Variants in HEY1 observed in about 807,000 individuals in gnomAD.
HEY1 encodes hes related family bHLH transcription factor with YRPW motif 1, also known as hairy/enhancer-of-split related with YRPW motif protein 1.
HEY1 carries 9 observed loss-of-function variants against 28.7 expected under a neutral mutation model. The observed-to-expected ratio is 0.31, with a 90% CI of 0.19 to 0.55. The LOEUF (loss-of-function observed/expected upper bound fraction) is 0.55. Among genes scored for constraint, HEY1 ranks in the 20% least tolerant of loss-of-function variants. HEY1 has a pLI of 0.93. For missense variants in HEY1, 385 were observed against 399.4 expected (o/e 0.96, Z 0.31); for synonymous variants, 213 against 175.6 (o/e 1.21, Z -1.68).
Position 79,765,782 on chromosome 8 carries a change from G to T in HEY1, c.332-11C>A, listed in dbSNP as rs1275754418. 3 of 1,587,952 alleles carry T rather than the reference G, an allele frequency of 1.9e-6. No individual in the cohort carries two copies. The highest frequency in any genetic ancestry group is 2.6e-6 in the Non-Finnish European group (3 of 1,164,850). The stretch of plus-strand genomic sequence containing the variant: ...GCGCGTCAAAGTAACCTAAGCAAAA[G>T]AACAAAAGAAAAATCTCAGGGCTTT... On this transcript the variant is annotated splice_polypyrimidine_tract_variant and intron_variant, in intron 4 of 4. Coordinates refer to ENST00000354724, the MANE Select transcript of HEY1 (RefSeq NM_012258.4).
In HEY1 at chr8:79,766,647, G is replaced by C; in HGVS notation, c.331+4C>G. 1 of 1,614,118 alleles carries C rather than the reference G, an allele frequency of 6.2e-7. No individual in the cohort carries two copies. The highest frequency in any genetic ancestry group is 8.5e-7 in the Non-Finnish European group (1 of 1,180,032). On this transcript the variant is annotated splice_donor_region_variant and intron_variant, in intron 4 of 4. Coordinates refer to ENST00000354724, the MANE Select transcript of HEY1 (RefSeq NM_012258.4). ...AGAGCCCCCACTAGGTCTAGGAGATGTACCTTTCCCTCCTGCCGTATGCAG... is the reference window on the plus strand; with the variant it reads ...AGAGCCCCCACTAGGTCTAGGAGATCTACCTTTCCCTCCTGCCGTATGCAG...
rs1476560733 is a variant in HEY1, at chr8:79,767,424, G to T, written c.90-130C>A. The T allele has an allele frequency of 1.8e-5, 20 of 1,126,916 alleles. No individual in the cohort carries two copies. In the East Asian group the frequency reaches 4.7e-4, roughly 27 times the overall value. The allele number at this position is 1,126,916 out of a possible 1,614,324, so 69.8% of individuals were successfully genotyped here. ...CCACTTGGGCTGGAAGGCACCTAGG[G>T]GTTCCCTGGCCGCAGGCTGCCGCCA... On this transcript the variant is annotated intron_variant, in intron 1 of 4. Transcript: ENST00000354724.
Position 79,767,702 on chromosome 8 carries a change from C to A in HEY1, c.-39G>T. On this transcript the variant is annotated 5_prime_UTR_variant, in exon 1 of 5. Coordinates refer to ENST00000354724, the MANE Select transcript of HEY1 (RefSeq NM_012258.4). ...GGGTTCCTGGGGAGGGTCGGCGCGGCGGGCAGGGAGGAGTTAACTACAGCG... is the reference window on the plus strand; with the variant it reads ...GGGTTCCTGGGGAGGGTCGGCGCGGAGGGCAGGGAGGAGTTAACTACAGCG... 2 of 1,504,758 alleles carry A rather than the reference C, an allele frequency of 1.3e-6. No individual in the cohort carries two copies. Among genetic ancestry groups the A allele is most frequent in the Non-Finnish European group, 1.8e-6 (2 of 1,108,072 alleles). 93.2% of individuals were successfully genotyped at this position (1,504,758 alleles called of 1,614,324 possible). A position where few individuals can be genotyped will look rare whatever the true frequency, so the allele number is the denominator to read the frequency against.
intron 3 of HEY1, 134 bp downstream of exon 3, chr8:79,766,875 A>C: frequency 8.4e-7 from 1 of 1,191,608 alleles, no homozygotes; most frequent in Non-Finnish European, 1.2e-6. Flanking sequence ...TTCACAAAAT[A>C]CGCTGGTATC....
Position 79,765,586 on chromosome 8 carries a change from C to G in HEY1, c.517G>C (p.Ala173Pro), listed in dbSNP as rs1419357189. Reference sequence around the variant, plus strand: ...CCCCAGGGAATGTGTCCGAGGCCCGCGTGGGCGCCGCTCGCGGCTTCCCGC... The same window carrying G: ...CCCCAGGGAATGTGTCCGAGGCCCGGGTGGGCGCCGCTCGCGGCTTCCCGC... Reference protein sequence around the residue: ...SQREAASGAHAGLGHIPWGTV... With the variant: ...SQREAASGAHPGLGHIPWGTV... The change falls in exon 5 of 5, where the codon GCG becomes CCG. Residue 173 changes from alanine to proline, a missense_variant. By Grantham distance (27) the Ala-to-Pro change is conservative. Around this residue, in one of 3 missense-constraint regions of HEY1, gnomAD observed 223 missense variants for 215.9 expected, o/e 1.03. Coordinates refer to ENST00000354724, the MANE Select transcript of HEY1 (RefSeq NM_012258.4). 6.2e-7 allele frequency: 1 copy of G among 1,614,132 alleles called. No homozygotes were observed. The highest frequency in any genetic ancestry group is 1.7e-5 in the Admixed American group (1 of 60,024).
In HEY1 at chr8:79,765,084, C is replaced by T. The variant is rs1362075395; in HGVS notation, c.*104G>A. ...AAAAAAAAAATTATCTGAAAGTGTA[C>T]CTTTTTCCTTTTTACTTTTACTGAC... On this transcript the variant is annotated 3_prime_UTR_variant, in exon 5 of 5. Coordinates refer to ENST00000354724, the MANE Select transcript of HEY1 (RefSeq NM_012258.4). 19 of 698,460 alleles carry T rather than the reference C, an allele frequency of 2.7e-5. No individual in the cohort carries two copies. The highest frequency in any genetic ancestry group is 3.6e-5 in the Admixed American group (1 of 27,978). 43.3% of individuals were successfully genotyped at this position (698,460 alleles called of 1,614,324 possible).
In HEY1 at chr8:79,767,292, T is replaced by C. The variant is rs931065582; in HGVS notation, c.92A>G (p.Asn31Ser). The C allele has an allele frequency of 5.0e-6, 8 of 1,610,340 alleles. No homozygotes were observed. The highest frequency in any genetic ancestry group is 3.3e-4 in the Middle Eastern group (2 of 6,068). Residue 31 changes from asparagine (N) to serine (S), a missense_variant and splice_region_variant, in exon 2 of 5, where the codon AAC becomes AGC. Physicochemically the swap from Asn to Ser is conservative, Grantham distance 46 (BLOSUM62 1). Transcript: ENST00000354724. ...VEKESADENG[N>S]LSSALGSMSP... is the part of the protein sequence containing the mutation. ...CATGGAACCTAGAGCCGAACTCAAG[T>C]TTCTGAAAAGAGAAAAAGAACAAAC...
chr8:79,764,773 G>A lies in HEY1; in HGVS notation c.*415C>T, dbSNP rs1165349717. The A allele has an allele frequency of 4.5e-6, 1 of 223,546 alleles. No homozygotes were observed. Among genetic ancestry groups the A allele is most frequent in the Non-Finnish European group, 8.9e-6 (1 of 112,388 alleles). 13.8% of individuals were successfully genotyped at this position (223,546 alleles called of 1,614,324 possible). ...ATGTTAACATTAAGCATAGTGGTTT[G>A]GAAAATTAATTCTAAAAACAGACCA... On this transcript the variant is annotated 3_prime_UTR_variant, in exon 5 of 5. Coordinates refer to ENST00000354724, the MANE Select transcript of HEY1 (RefSeq NM_012258.4).
Position 79,765,017 on chromosome 8 carries a change from CATT to C in HEY1, c.*168_*170del, listed in dbSNP as rs1355826960. 2.6e-5 allele frequency: 14 copies of C among 529,998 alleles called. No individual in the cohort carries two copies. Among genetic ancestry groups the C allele is most frequent in the Non-Finnish European group, 4.3e-5 (13 of 302,310 alleles). The allele number at this position is 529,998 out of a possible 1,614,324, so 32.8% of individuals were successfully genotyped here. A position where few individuals can be genotyped will look rare whatever the true frequency, so the allele number is the denominator to read the frequency against. ...CTAATACATGACATGATGAAAAAAACATTAAAAAAGATAAAAGTAAACCAACAA... is the reference window on the plus strand; with the variant it reads ...CTAATACATGACATGATGAAAAAAACAAAAAAGATAAAAGTAAACCAACAA... On this transcript the variant is annotated 3_prime_UTR_variant, in exon 5 of 5. Transcript: ENST00000354724.
intron 4 of HEY1, chr8:79,766,294 T>C (rs942237306): frequency 6.6e-7 from 1 of 1,517,424 alleles, no homozygotes; most frequent in Non-Finnish European, 8.8e-7. Flanking sequence ...AAATCCCGTA[T>C]ACCAAAAATA....
intron 4 of HEY1, 159 bp downstream of exon 4, chr8:79,766,492 G>A: frequency 6.6e-7 from 1 of 1,507,658 alleles, no homozygotes; most frequent in Non-Finnish European, 8.8e-7. Context: ...GATTCTATGT[G>A]CATTCGAAAA....
rs757852759 is a variant in HEY1, at chr8:79,765,478, A to C, written c.625T>G (p.Ser209Ala). The C allele has an allele frequency of 3.7e-6, 6 of 1,613,308 alleles. No homozygotes were observed. In the African/African-American group the frequency reaches 8.0e-5, roughly 22 times the overall value. The change falls in exon 5 of 5, where the codon TCA (serine) becomes GCA (alanine). Residue 209 changes from serine to alanine, a missense_variant. Ser to Ala is a moderately conservative substitution (Grantham distance 99, BLOSUM62 1). Around this residue, in one of 3 missense-constraint regions of HEY1, gnomAD observed 223 missense variants for 215.9 expected, o/e 1.03. Coordinates refer to ENST00000354724, the MANE Select transcript of HEY1 (RefSeq NM_012258.4). The part of the protein sequence containing the change: ...NGHGNAGTTA[S>A]PTEPHHQGRL... ...CCCTGGTGGTGCGGTTCCGTGGGTG[A>C]GGCCGTGGTGCCCGCGTTCCCGTGG... is the stretch of plus-strand genomic sequence containing the variant.
rs1246021151 is a variant in HEY1, at chr8:79,767,079, C to T, written c.179G>A (p.Arg60His). 6.2e-7 allele frequency: 1 copy of T among 1,613,894 alleles called. No individual in the cohort carries two copies. The highest frequency in any genetic ancestry group is 1.1e-5 in the South Asian group (1 of 91,076). Residue 60 changes from arginine to histidine, a missense_variant, in exon 3 of 5, where the codon CGC (arginine) becomes CAC (histidine). Coordinates refer to ENST00000354724, the MANE Select transcript of HEY1 (RefSeq NM_012258.4). ...RKRRRGIIEK[R>H]RRDRINNSLS... The stretch of plus-strand genomic sequence containing the variant: ...ACTGTTATTGATCCGGTCTCGTCGG[C>T]GCTTCTCAATTATCTGCAGAAGGCA...
chr8:79,765,346 G>C lies in HEY1; in HGVS notation c.757C>G (p.Pro253Ala). 6.3e-7 allele frequency: 1 copy of C among 1,577,078 alleles called. No homozygotes were observed. Among genetic ancestry groups the C allele is most frequent in the Non-Finnish European group, 8.6e-7 (1 of 1,160,996 alleles). ...AGGGAGGCCACTGAGGAGAGCAGAG[G>C]CGGCGACAGTTTGGAGGCGGAGGTG... The part of the protein sequence containing the change: ...VVTSASKLSP[P>A]LLSSVASLSA... Residue 253 changes from proline (P) to alanine (A), a missense_variant, in exon 5 of 5, where the codon CCT becomes GCT. Coordinates refer to ENST00000354724, the MANE Select transcript of HEY1 (RefSeq NM_012258.4).
chr8:79,764,881 G>A lies in HEY1; in HGVS notation c.*307C>T, dbSNP rs1374401354. 4 of 264,860 alleles carry A rather than the reference G, an allele frequency of 1.5e-5. No individual in the cohort carries two copies. The highest frequency in any genetic ancestry group is 2.8e-5 in the Non-Finnish European group (4 of 141,244). The allele number at this position is 264,860 out of a possible 1,614,324, so 16.4% of individuals were successfully genotyped here. The stretch of plus-strand genomic sequence containing the variant: ...TTGAGGCAAAAACGGAATCATTCTG[G>A]TTTACAAAGTAAATTAGGCACAGTA... On this transcript the variant is annotated 3_prime_UTR_variant, in exon 5 of 5. Coordinates refer to ENST00000354724, the MANE Select transcript of HEY1 (RefSeq NM_012258.4).
chr8:79,765,464 C>T lies in HEY1; in HGVS notation c.639G>A (p.Pro213=). Residue 213 remains proline, a synonymous_variant, in exon 5 of 5, where the codon CCG becomes CCA. Transcript: ENST00000354724. ...CCGAGCCCAGCCTGCCCTGGTGGTG[C>T]GGTTCCGTGGGTGAGGCCGTGGTGC... ...NAGTTASPTE[P]HHQGRLGSAH... 6.2e-7 allele frequency: 1 copy of T among 1,613,228 alleles called. No homozygotes were observed.
rs1053708679 is a variant in HEY1, at chr8:79,764,876, T to C, written c.*312A>G. The C allele has an allele frequency of 1.9e-5, 5 of 259,428 alleles. No individual in the cohort carries two copies. Among genetic ancestry groups the C allele is most frequent in the Non-Finnish European group, 3.6e-5 (5 of 137,464 alleles). 16.1% of individuals were successfully genotyped at this position (259,428 alleles called of 1,614,324 possible). On this transcript the variant is annotated 3_prime_UTR_variant, in exon 5 of 5. Transcript: ENST00000354724. The stretch of plus-strand genomic sequence containing the variant: ...AAATTTTGAGGCAAAAACGGAATCA[T>C]TCTGGTTTACAAAGTAAATTAGGCA...
In HEY1 at chr8:79,765,293, G is replaced by A. The variant is rs1400161030; in HGVS notation, c.810C>T (p.Ser270=). The A allele has an allele frequency of 7.7e-6, 12 of 1,557,204 alleles. No individual in the cohort carries two copies. The highest frequency in any genetic ancestry group is 5.9e-5 in the Admixed American group (3 of 51,204). Residue 270 remains serine, a synonymous_variant, in exon 5 of 5, where the codon TCC becomes TCT. Transcript: ENST00000354724. ...SLSAFPFSFG[S]FHLLSPNALS... ...GTGCATTGGGAGACAGTAAGTGGAA[G>A]GAGCCGAAAGAGAAGGGGAAGGCCG...
At chr8:79,767,178 A>G in intron 2 of HEY1, 41 bp downstream of exon 2, 2 of 1,586,176 alleles carry the variant, frequency 1.3e-6, no homozygotes, top group Non-Finnish European at 8.6e-7. Flanking sequence ...TATTTCCGTT[A>G]ATCAATAACA....
Sources: allele counts gnomAD v4.1 joint callset, GRCh38; gene constraint gnomAD v4.1.1; regional missense constraint gnomAD v4.1.1; transcripts MANE v1.5; gene names NCBI Gene and HGNC (gene_info 2026-07-23, HGNC 2026-07-21).